The following SLC13A4 variants were observed in gnomAD, a reference collection of about 807,000 sequenced individuals.
SLC13A4 encodes the protein Na(+)/sulfate cotransporter SUT-1.
Under a neutral mutation model 72.7 loss-of-function variants are expected in SLC13A4, and 28 were observed. The ratio of observed to expected loss-of-function variants is 0.39; its 90% CI spans 0.29 to 0.53. The LOEUF (loss-of-function observed/expected upper bound fraction) is 0.53. Ranked by LOEUF, SLC13A4 falls within the 20% of genes least tolerant of loss-of-function variation. SLC13A4 has a pLI of 0.78. For missense variants in SLC13A4, 653 were observed against 788.0 expected, an observed-to-expected ratio of 0.83 and a Z score of 2.05; for synonymous variants, 312 against 325.5, an observed-to-expected ratio of 0.96 and a Z score of 0.45.
Position 135,706,293 on chromosome 7 carries a change from G to A in SLC13A4, c.373C>T (p.Leu125Phe), listed in dbSNP as rs747495127. 6.2e-5 allele frequency: 99 copies of A among 1,602,344 alleles called. 1 individual carries two copies. Among genetic ancestry groups the A allele is most frequent in the Non-Finnish European group, 7.9e-5 (92 of 1,171,116 alleles). ...MAGAKPGMLL[L>F]CFMCCTTLLS... ...AACGTGGTACAGCACATGAAGCAGAGCAGCAGCCTGGAAGGCAGGGAGGGT... is the reference window on the plus strand; with the variant it reads ...AACGTGGTACAGCACATGAAGCAGAACAGCAGCCTGGAAGGCAGGGAGGGT... Residue 125 changes from leucine to phenylalanine, a missense_variant, in exon 4 of 16, where the codon CTC becomes TTC. Coordinates refer to ENST00000682651, the MANE Select transcript of SLC13A4 (RefSeq NM_001318192.2).
At chr7:135,712,990 G>A (rs1796337338) in intron 2 of SLC13A4, among the ~76,000 whole-genome samples, 1 of 152,144 alleles carries the variant, frequency 6.6e-6, no homozygotes, top group African/African-American at 2.4e-5. Flanking sequence ...AGCTGTCCAG[G>A]CTGCTGGTCC....
chr7:135,726,917 G>A (rs971485167), intron 1 of SLC13A4, among the ~76,000 whole-genome samples: 12 of 152,174 alleles, frequency 7.9e-5, no homozygotes, highest in Non-Finnish European at 1.8e-4. Context: ...ACCAGGACAC[G>A]ACCACAGACC....
At chr7:135,713,768 G>A (rs1796356812) in intron 2 of SLC13A4, among the ~76,000 whole-genome samples, 1 of 152,136 alleles carries the variant, frequency 6.6e-6, no homozygotes, top group African/African-American at 2.4e-5. Flanking sequence ...GTAGAGACGG[G>A]GTTTCGCCAT....
intron 13 of SLC13A4, among the ~76,000 whole-genome samples, chr7:135,688,176 A>T (rs1215604849): frequency 1.3e-5 from 2 of 151,740 alleles, no homozygotes; most frequent in Non-Finnish European, 2.9e-5. Flanking sequence ...AGGTTTCACC[A>T]TGTTGGCCAG....
intron 14 of SLC13A4, among the ~76,000 whole-genome samples, chr7:135,684,528 A>C (rs907193554): frequency 3.3e-5 from 5 of 152,040 alleles, no homozygotes; most frequent in Admixed American, 3.3e-4. Context: ...ATTCTAAGGA[A>C]TTGGTTCCTA....
At chr7:135,710,229 A>G (rs1796269375) in intron 2 of SLC13A4, among the ~76,000 whole-genome samples, 1 of 152,158 alleles carries the variant, frequency 6.6e-6, no homozygotes, top group Non-Finnish European at 1.5e-5. Flanking sequence ...GATCATACTA[A>G]TTTTGATTAT....
At chr7:135,713,089 G>A (rs533729451) in intron 2 of SLC13A4, among the ~76,000 whole-genome samples, 2 of 152,304 alleles carry the variant, frequency 1.3e-5, no homozygotes, top group South Asian at 4.1e-4. Context: ...CTTGCCATTA[G>A]CATTCCTTTC....
chr7:135,703,551 G>A (rs1418686908), intron 5 of SLC13A4: 2 of 152,750 alleles, frequency 1.3e-5, no homozygotes, highest in South Asian at 2.1e-4. Flanking sequence ...GTACACCTCA[G>A]GGGGTGAGTC....
chr7:135,681,609 G>A lies in SLC13A4; in HGVS notation c.1838C>T (p.Thr613Ile). ...TWGVSLFHLDTYPAWARVSNI... is the reference protein window; with the variant it reads ...TWGVSLFHLDIYPAWARVSNI... ...GCTGACCCTCGCCCATGCTGGGTAAGTGTCCAGGTGGAAGAGGCTAACTCC... is the reference window on the plus strand; with the variant it reads ...GCTGACCCTCGCCCATGCTGGGTAAATGTCCAGGTGGAAGAGGCTAACTCC... The change falls in exon 16 of 16, where the codon ACT (threonine) becomes ATT (isoleucine). Residue 613 changes from threonine (T) to isoleucine (I), a missense_variant. Coordinates refer to ENST00000682651, the MANE Select transcript of SLC13A4 (RefSeq NM_001318192.2). 1 of 1,614,164 alleles carries A rather than the reference G, an allele frequency of 6.2e-7. No homozygotes were observed. The highest frequency in any genetic ancestry group is 8.5e-7 in the Non-Finnish European group (1 of 1,180,012).
At chr7:135,688,884 GTT>G (rs1795705005) in intron 13 of SLC13A4, 1 of 150,260 alleles carries the variant, frequency 6.7e-6, no homozygotes, top group African/African-American at 2.5e-5. Flanking sequence ...TTTTGTTCTT[GTT>G]TTTTGTTTTG....
chr7:135,705,494 TG>T, intron 5 of SLC13A4, 101 bp downstream of exon 5: 1 of 1,042,300 alleles, frequency 9.6e-7, no homozygotes, highest in Non-Finnish European at 1.5e-6. Flanking sequence ...TGAGCTTGGG[TG>T]GTACATCTCA....
intron 2 of SLC13A4, among the ~76,000 whole-genome samples, chr7:135,713,945 T>A (rs566464035): frequency 8.5e-5 from 13 of 152,296 alleles, no homozygotes; most frequent in African/African-American, 2.9e-4. Flanking sequence ...TCCCGCTCAG[T>A]GCTAAGCTAA....
chr7:135,723,675 A>G (rs1256659891), intron 1 of SLC13A4, among the ~76,000 whole-genome samples: 1 of 152,180 alleles, frequency 6.6e-6, no homozygotes, highest in Middle Eastern at 3.2e-3. Flanking sequence ...ACTCTTGCAT[A>G]AAAGTTACAA....
chr7:135,716,316 A>G (rs58474160), intron 2 of SLC13A4, among the ~76,000 whole-genome samples: 1 of 152,004 alleles, frequency 6.6e-6, no homozygotes, highest in Non-Finnish European at 1.5e-5. Flanking sequence ...ATTAAAAAAA[A>G]TTTTTTTAGA....
At chr7:135,705,726 G>A in intron 4 of SLC13A4, 76 bp from the exon 5 acceptor site, 2 of 1,317,658 alleles carry the variant, frequency 1.5e-6, no homozygotes, top group South Asian at 2.4e-5. Flanking sequence ...CATAGCTCAA[G>A]GGCTTAGGGC....
At chr7:135,714,754 G>A (rs143597410) in intron 2 of SLC13A4, among the ~76,000 whole-genome samples, 3 of 152,334 alleles carry the variant, frequency 2.0e-5, no homozygotes, top group Non-Finnish European at 2.9e-5. Flanking sequence ...GGAATCTGGC[G>A]GGTCAGAAAG....
intron 2 of SLC13A4, among the ~76,000 whole-genome samples, chr7:135,717,178 T>C (rs1796450971): frequency 6.6e-6 from 1 of 152,152 alleles, no homozygotes; most frequent in African/African-American, 2.4e-5. Flanking sequence ...CAAGATTCTT[T>C]AGGTTCAGCT....
intron 2 of SLC13A4, among the ~76,000 whole-genome samples, chr7:135,718,103 G>A (rs1280725630): frequency 7.3e-4 from 68 of 93,188 alleles, no homozygotes; most frequent in East Asian, 5.7e-3. Flanking sequence ...GCGCGCGCAC[G>A]CGTGCGCGCT....
At chr7:135,701,836 C>T (rs750831303) in intron 6 of SLC13A4, 76 bp from the exon 7 acceptor site, 110 of 1,404,434 alleles carry the variant, frequency 7.8e-5, no homozygotes, top group Middle Eastern at 1.9e-4. Context: ...ACCACCTAGT[C>T]ATCCCAGGGC....
Sources: gnomAD v4.1 joint callset for allele counts (sites outside exome capture counted in the v4.1 genomes callset) on GRCh38, gnomAD v4.1.1 for gene constraint, MANE v1.5 for transcripts, NCBI Gene and HGNC (gene_info 2026-07-23, HGNC 2026-07-21) for gene names.